RANBP2: variants seen among roughly 807,000 people sequenced by gnomAD.
The protein encoded by RANBP2 is RAN binding protein 2, also known as E3 SUMO-protein ligase RanBP2.
A neutral mutation model predicts 303.6 loss-of-function variants in RANBP2; 57 were observed. That is an observed-to-expected ratio of 0.19 (90% CI 0.15 to 0.23). The LOEUF is 0.23. Ranked by LOEUF, RANBP2 falls within the 10% of genes least tolerant of loss-of-function variation. The pLI, the probability that RANBP2 is intolerant of heterozygous loss-of-function variation, is 1.00. For synonymous variants in RANBP2, 1,167 were observed against 1,301.5 expected (o/e 0.90, Z 2.23); for missense variants, 3,138 against 3,780.8 (o/e 0.83, Z 4.46).
chr2:109,119,793 T>G, the RANBP2 span, among the ~76,000 whole-genome samples: 17 of 152,324 alleles, frequency 1.1e-4, no homozygotes, highest in Non-Finnish European at 1.9e-4. Context: ...GAAAAAGATT[T>G]TGAAATATTT....
chr2:109,453,454 A>AT, the RANBP2 span, among the ~76,000 whole-genome samples: 2 of 152,202 alleles, frequency 1.3e-5, no homozygotes, highest in African/African-American at 4.8e-5. Flanking sequence ...CTGGTTTTGA[A>AT]ACTGTGTGAG....
At chr2:109,280,847 G>C in the RANBP2 span, among the ~76,000 whole-genome samples, 1 of 152,158 alleles carries the variant, frequency 6.6e-6, no homozygotes, top group African/African-American at 2.4e-5. Context: ...TTTTATGTCC[G>C]TTGCACATTA....
the RANBP2 span, chr2:109,491,049 A>G: frequency 1.8e-5 from 18 of 1,023,724 alleles, no homozygotes; most frequent in South Asian, 2.6e-5. Flanking sequence ...GGTTTACCAG[A>G]TGTACCTCAA....
the RANBP2 span, among the ~76,000 whole-genome samples, chr2:109,400,739 CGGCTGA>C: frequency 6.6e-6 from 1 of 152,184 alleles, no homozygotes; most frequent in Non-Finnish European, 1.5e-5. Context: ...CTCTCATCGG[CGGCTGA>C]GGCTGAGGTC....
At chr2:109,637,201 G>A in the RANBP2 span, among the ~76,000 whole-genome samples, 1 of 152,202 alleles carries the variant, frequency 6.6e-6, no homozygotes, top group African/African-American at 2.4e-5. Context: ...AAACATCTCA[G>A]TGGAGTAAAG....
chr2:109,099,606 T>C, the RANBP2 span, among the ~76,000 whole-genome samples: 1 of 152,094 alleles, frequency 6.6e-6, no homozygotes, highest in East Asian at 1.9e-4. Flanking sequence ...GTCCATTCAG[T>C]TAGCTGAGAG....
At chr2:108,897,371 C>G in the RANBP2 span, 125 of 816,084 alleles carry the variant, frequency 1.5e-4, no homozygotes, top group Admixed American at 5.0e-4. Flanking sequence ...CCACCTAAAA[C>G]AAATGCATAA....
chr2:109,215,230 A>G, the RANBP2 span, among the ~76,000 whole-genome samples: 47,809 of 151,912 alleles, frequency 0.31, 8,207 homozygotes, highest in East Asian at 0.46. Flanking sequence ...CCCCCTTACT[A>G]ATGTCACGGG....
the RANBP2 span, among the ~76,000 whole-genome samples, chr2:109,690,667 A>G: frequency 2.0e-5 from 3 of 152,176 alleles, no homozygotes; most frequent in South Asian, 6.2e-4. Context: ...TTAAGGCAGC[A>G]CAGCCAGTGA....
chr2:108,952,636 C>A, the RANBP2 span, among the ~76,000 whole-genome samples: 1 of 152,164 alleles, frequency 6.6e-6, no homozygotes, highest in African/African-American at 2.4e-5. Context: ...TTCTTTAAAT[C>A]CTTGAACATA....
chr2:109,497,303 G>T, the RANBP2 span, among the ~76,000 whole-genome samples: 66 of 152,308 alleles, frequency 4.3e-4, no homozygotes, highest in African/African-American at 1.5e-3. Context: ...GTCTTCCTGT[G>T]TTGGAGCAAG....
chr2:109,515,953 T>C, the RANBP2 span, among the ~76,000 whole-genome samples: 157 of 152,266 alleles, frequency 1.0e-3, 1 homozygote, highest in African/African-American at 3.6e-3. Context: ...GCACTAGGGA[T>C]TGCATTTCCA....
chr2:109,540,316 A>C, the RANBP2 span, among the ~76,000 whole-genome samples: 3 of 152,230 alleles, frequency 2.0e-5, no homozygotes, highest in Middle Eastern at 6.8e-3. Context: ...TATCTGCACT[A>C]ATTTTCAGTC....
chr2:109,220,402 A>G, the RANBP2 span, among the ~76,000 whole-genome samples: 1 of 152,238 alleles, frequency 6.6e-6, no homozygotes, highest in South Asian at 2.1e-4. Context: ...AAGCACAGGC[A>G]ATACAAGAAA....
the RANBP2 span, among the ~76,000 whole-genome samples, chr2:109,342,875 A>G: frequency 1.3e-5 from 2 of 152,260 alleles, no homozygotes; most frequent in African/African-American, 4.8e-5. Flanking sequence ...TTTAATTATT[A>G]TTAATGCCTT....
At chr2:109,346,182 AT>A in the RANBP2 span, among the ~76,000 whole-genome samples, 129 of 150,220 alleles carry the variant, frequency 8.6e-4, 1 homozygote, top group African/African-American at 2.5e-3. Context: ...AAGCAAACGG[AT>A]TTTTTTTTTC....
chr2:108,980,147 T>C, the RANBP2 span, among the ~76,000 whole-genome samples: 1 of 152,128 alleles, frequency 6.6e-6, no homozygotes, highest in African/African-American at 2.4e-5. Flanking sequence ...CACTCACCAC[T>C]TTCTCTGTTC....
the RANBP2 span, among the ~76,000 whole-genome samples, chr2:108,955,902 G>A: frequency 1.3e-5 from 2 of 151,532 alleles, no homozygotes; most frequent in South Asian, 2.1e-4. Context: ...GGTGGCAGGC[G>A]CCTGTAGTCC....
At chr2:109,506,181 G>T in the RANBP2 span, among the ~76,000 whole-genome samples, 3 of 152,198 alleles carry the variant, frequency 2.0e-5, no homozygotes, top group Non-Finnish European at 4.4e-5. Context: ...CCGCCAGTGA[G>T]CTGGGCCTTC....
Sources: allele counts gnomAD v4.1 joint callset (sites outside exome capture counted in the v4.1 genomes callset), GRCh38; gene constraint gnomAD v4.1.1; transcripts MANE v1.5; gene names NCBI Gene and HGNC (gene_info 2026-07-23, HGNC 2026-07-21).